The following PTK2 variants were observed in gnomAD, a reference collection of about 807,000 sequenced individuals.
The protein encoded by PTK2 is focal adhesion kinase 1.
Under a neutral mutation model 150.1 loss-of-function variants are expected in PTK2, and 45 were observed. That is an observed-to-expected ratio of 0.30 (90% confidence interval 0.24 to 0.38). PTK2 has a LOEUF of 0.38. PTK2 is among the 10% of genes least tolerant of loss of function. The probability of loss-of-function intolerance (pLI) is 1.00; values close to 1 mark genes in which losing one functional copy is unlikely to be tolerated. For missense variants in PTK2, 919 were observed against 1,307.3 expected, an observed-to-expected ratio of 0.70 and a Z score of 4.58; for synonymous variants, 432 against 449.2, an observed-to-expected ratio of 0.96 and a Z score of 0.48.
chr8:140,933,026 T>G (rs2100172434), intron 1 of PTK2, among the ~76,000 whole-genome samples: 1 of 152,006 alleles, frequency 6.6e-6, no homozygotes, highest in Non-Finnish European at 1.5e-5. Flanking sequence ...TAATTTTGTA[T>G]TTTCAGTAGA....
chr8:140,843,564 T>G (rs2100123525), intron 7 of PTK2, among the ~76,000 whole-genome samples: 1 of 152,068 alleles, frequency 6.6e-6, no homozygotes, highest in African/African-American at 2.4e-5. Flanking sequence ...GTTCCTGGAG[T>G]CCTCTCTCTG....
At chr8:140,699,468 C>G (rs1158662108) in intron 26 of PTK2, among the ~76,000 whole-genome samples, 2 of 152,148 alleles carry the variant, frequency 1.3e-5, no homozygotes, top group African/African-American at 4.8e-5. Context: ...ACCACTTCCT[C>G]TCTGTCCCCA....
intron 26 of PTK2, among the ~76,000 whole-genome samples, chr8:140,689,747 G>GTCTT (rs2100022033): frequency 6.6e-6 from 1 of 152,146 alleles, no homozygotes; most frequent in African/African-American, 2.4e-5. Context: ...GAGACTCTAG[G>GTCTT]TAAAGGGAAC....
chr8:140,677,536 T>G (rs906877249), intron 27 of PTK2, among the ~76,000 whole-genome samples: 3 of 152,240 alleles, frequency 2.0e-5, no homozygotes, highest in Non-Finnish European at 2.9e-5. Flanking sequence ...CTTTTCTTGC[T>G]TACTTTAAAA....
At chr8:140,991,935 G>T (rs192366131) in intron 1 of PTK2, among the ~76,000 whole-genome samples, 4 of 151,964 alleles carry the variant, frequency 2.6e-5, no homozygotes, top group Non-Finnish European at 4.4e-5. Flanking sequence ...GGTCGAAGCC[G>T]CAGTGAGCTG....
At chr8:140,983,437 C>G (rs2100192203) in intron 1 of PTK2, among the ~76,000 whole-genome samples, 1 of 147,340 alleles carries the variant, frequency 6.8e-6, no homozygotes. Context: ...ATCTGAGAAA[C>G]TGAAACGATA....
intron 5 of PTK2, among the ~76,000 whole-genome samples, chr8:140,855,711 T>C (rs530706924): frequency 6.6e-6 from 1 of 152,190 alleles, no homozygotes; most frequent in South Asian, 2.1e-4. Flanking sequence ...ACAAGGTACA[T>C]GAAAAGTCCT....
At chr8:140,994,923 A>C (rs912378123) in intron 1 of PTK2, among the ~76,000 whole-genome samples, 2 of 152,178 alleles carry the variant, frequency 1.3e-5, no homozygotes, top group South Asian at 4.2e-4. Context: ...CATCTCTACT[A>C]AAAATACAAA....
chr8:140,718,553 A>C (rs1238248090), intron 22 of PTK2: 1 of 152,188 alleles, frequency 6.6e-6, no homozygotes, highest in East Asian at 1.9e-4. Context: ...CTACAACTCT[A>C]GAGTTCTAAT....
chr8:140,695,861 T>C (rs1328803828), intron 26 of PTK2, among the ~76,000 whole-genome samples: 4 of 152,234 alleles, frequency 2.6e-5, no homozygotes, highest in African/African-American at 4.8e-5. Context: ...TGCAGTTCTC[T>C]AGTCCTGGGG....
At chr8:140,693,847 C>T (rs1447039097) in intron 26 of PTK2, among the ~76,000 whole-genome samples, 1 of 152,010 alleles carries the variant, frequency 6.6e-6, no homozygotes, top group Non-Finnish European at 1.5e-5. Context: ...TGTCTTCTGA[C>T]ATCTAAAATT....
intron 8 of PTK2, among the ~76,000 whole-genome samples, chr8:140,824,469 A>C (rs993052162): frequency 6.6e-6 from 1 of 152,206 alleles, no homozygotes; most frequent in African/African-American, 2.4e-5. Flanking sequence ...ACACAGAAAC[A>C]ACTCTCTCAT....
chr8:140,666,947 G>A (rs776200961), intron 30 of PTK2, among the ~76,000 whole-genome samples: 3 of 152,194 alleles, frequency 2.0e-5, no homozygotes, highest in African/African-American at 7.2e-5. Context: ...TAAAAAGGAA[G>A]AAAATTCTGA....
chr8:140,921,649 G>A (rs968919974), intron 2 of PTK2, among the ~76,000 whole-genome samples: 10 of 151,978 alleles, frequency 6.6e-5, no homozygotes, highest in Non-Finnish European at 1.3e-4. Flanking sequence ...AAACTCTCTC[G>A]AAAACATAAA....
chr8:140,849,250 C>G (rs2100127623), intron 5 of PTK2, among the ~76,000 whole-genome samples: 1 of 152,178 alleles, frequency 6.6e-6, no homozygotes, highest in Non-Finnish European at 1.5e-5. Context: ...GTCCTCCCCT[C>G]AAGCCCCAAA....
intron 16 of PTK2, among the ~76,000 whole-genome samples, chr8:140,756,428 CG>C (rs1239684611): frequency 4.0e-5 from 6 of 151,064 alleles, no homozygotes; most frequent in Non-Finnish European, 1.5e-5. Flanking sequence ...CCGGGCGCAG[CG>C]GCTCACACCT....
chr8:140,694,988 G>T (rs1263922146), intron 26 of PTK2, among the ~76,000 whole-genome samples: 1 of 152,174 alleles, frequency 6.6e-6, no homozygotes, highest in Non-Finnish European at 1.5e-5. Context: ...AGCTTTCCAT[G>T]CGGCTGTCTA....
intron 2 of PTK2, among the ~76,000 whole-genome samples, chr8:140,924,669 C>G (rs930866886): frequency 3.3e-5 from 5 of 152,076 alleles, no homozygotes; most frequent in Non-Finnish European, 7.4e-5. Context: ...TTAGTACATA[C>G]TTATTGAATG....
At chr8:140,897,416 C>G (rs1019132953) in intron 2 of PTK2, among the ~76,000 whole-genome samples, 11 of 152,058 alleles carry the variant, frequency 7.2e-5, no homozygotes, top group Non-Finnish European at 1.0e-4. Flanking sequence ...AATGTTTTAT[C>G]TGCTTGTCAA....
Sources: allele counts gnomAD v4.1 joint callset (sites outside exome capture counted in the v4.1 genomes callset), GRCh38; gene constraint gnomAD v4.1.1; transcripts MANE v1.5; gene names NCBI Gene and HGNC (gene_info 2026-07-23, HGNC 2026-07-21).